Variants in RBM19 observed in about 807,000 individuals in gnomAD.
RBM19 encodes the protein probable RNA-binding protein 19.
Under a neutral mutation model 116.8 loss-of-function variants are expected in RBM19, and 94 were observed. The ratio of observed to expected loss-of-function variants is 0.80; its 90% CI spans 0.68 to 0.95. The LOEUF (loss-of-function observed/expected upper bound fraction) is 0.95. Ranked by LOEUF, RBM19 falls within the 40% of genes least tolerant of loss-of-function variation. The pLI, the probability that RBM19 is intolerant of heterozygous loss-of-function variation, is 0.00. For missense variants in RBM19, 1,161 were observed against 1,220.7 expected (o/e 0.95, Z 0.73); for synonymous variants, 475 against 494.1 (o/e 0.96, Z 0.51).
chr12:113,907,513 A>G (rs4554940), intron 21 of RBM19, among the ~76,000 whole-genome samples: 46,043 of 152,170 alleles, frequency 0.3, 7,899 homozygotes, highest in Admixed American at 0.45. Context: ...AAACCACAGC[A>G]AAGTAGGAAG....
intron 21 of RBM19, among the ~76,000 whole-genome samples, chr12:113,891,910 T>C (rs1880988267): frequency 6.6e-6 from 1 of 152,238 alleles, no homozygotes. Context: ...CATTTCCCTG[T>C]AGAAAGCCTT....
At chr12:113,942,991 T>C (rs556817538) in intron 13 of RBM19, among the ~76,000 whole-genome samples, 43 of 151,796 alleles carry the variant, frequency 2.8e-4, no homozygotes, top group Admixed American at 2.0e-3. Flanking sequence ...CCTCCCCTCA[T>C]CATATGGGTC....
Position 113,927,104 on chromosome 12 carries a change from G to C in RBM19, c.2194C>G (p.Leu732Val). ...TCAAAATTGAGATTCTTAATAAACA[G>C]AGTACATCCTGGGAGGCTCTCTTCT... The part of the protein sequence containing the change: ...EEEESLPGCT[L>V]FIKNLNFDTT... The change falls in exon 17 of 24, where the codon CTG becomes GTG. Residue 732 changes from leucine to valine, a missense_variant. Coordinates refer to ENST00000261741, the MANE Select transcript of RBM19 (RefSeq NM_016196.4). 1 of 1,613,596 alleles carries C rather than the reference G, an allele frequency of 6.2e-7. No individual in the cohort carries two copies. Among genetic ancestry groups the C allele is most frequent in the Non-Finnish European group, 8.5e-7 (1 of 1,180,016 alleles).
rs554359789 is a variant in RBM19 at position 113,898,938 on chromosome 12, T to C, written c.2558+16031A>G. 3.1e-3 allele frequency among the ~76,000 whole-genome samples: 470 copies of C among 152,364 alleles called. 3 individuals carry two copies. Among genetic ancestry groups the C allele is most frequent in the Middle Eastern group, 0.01 (3 of 294 alleles). On this transcript the variant is annotated intron_variant, in intron 21 of 23. Coordinates refer to ENST00000261741, the MANE Select transcript of RBM19 (RefSeq NM_016196.4). The surrounding 1 kb of genome is among the most constrained non-coding windows in gnomAD (Gnocchi z 4.3). Reference sequence around the variant, plus strand: ...AAATTGTGTTTTGGTTTTATAGTCCTAAAAGAACCATAAGCATGAGTTGTC... The same window carrying C: ...AAATTGTGTTTTGGTTTTATAGTCCCAAAAGAACCATAAGCATGAGTTGTC...
At chr12:113,895,183 G>C (rs954982167) in intron 21 of RBM19, among the ~76,000 whole-genome samples, 6 of 152,190 alleles carry the variant, frequency 3.9e-5, no homozygotes, top group Admixed American at 2.0e-4. Flanking sequence ...TATTATATTT[G>C]AATTCCCTGG....
At chr12:113,862,514 G>A (rs1486469363) in intron 21 of RBM19, among the ~76,000 whole-genome samples, 1 of 152,194 alleles carries the variant, frequency 6.6e-6, no homozygotes, top group Admixed American at 6.5e-5. Flanking sequence ...GGAGATAAGC[G>A]ATATATAAAT....
chr12:113,889,592 G>T (rs1170451612), intron 21 of RBM19, among the ~76,000 whole-genome samples: 1 of 152,028 alleles, frequency 6.6e-6, no homozygotes, highest in Non-Finnish European at 1.5e-5. Flanking sequence ...AAGTGTGCCT[G>T]CTTCCTGATC....
In RBM19 at chr12:113,946,371, G is replaced by C; in HGVS notation, c.1512C>G (p.Asp504Glu). 2 of 1,614,092 alleles carry C rather than the reference G, an allele frequency of 1.2e-6. No homozygotes were observed. Among genetic ancestry groups the C allele is most frequent in the Non-Finnish European group, 8.5e-7 (1 of 1,180,006 alleles). ...SSYKKKKEAQ[D>E]KANSASSHNW... is the part of the protein sequence containing the mutation. Reference sequence around the variant, plus strand: ...CTGAGGACCTGGCACTGTTGGCTTTGTCCTGGGCCTCCTTCTTCTTCTTGT... The same window carrying C: ...CTGAGGACCTGGCACTGTTGGCTTTCTCCTGGGCCTCCTTCTTCTTCTTGT... Residue 504 changes from aspartate (D) to glutamate (E), a missense_variant, in exon 12 of 24, where the codon GAC (aspartate) becomes GAG (glutamate). Transcript: ENST00000261741.
At chr12:113,884,538 A>G (rs974501215) in intron 21 of RBM19, among the ~76,000 whole-genome samples, 1 of 152,124 alleles carries the variant, frequency 6.6e-6, no homozygotes, top group Non-Finnish European at 1.5e-5. Flanking sequence ...ACAAATAATT[A>G]TTCAGCCCAA....
intron 21 of RBM19, among the ~76,000 whole-genome samples, chr12:113,906,505 A>T (rs979866465): frequency 6.6e-6 from 1 of 152,178 alleles, no homozygotes; most frequent in Non-Finnish European, 1.5e-5. Context: ...CTAGCTGGAA[A>T]TGCTCTGCCT....
At chr12:113,857,579 C>T (rs1411088129) in intron 22 of RBM19, among the ~76,000 whole-genome samples, 3 of 152,268 alleles carry the variant, frequency 2.0e-5, no homozygotes, top group African/African-American at 7.2e-5. Flanking sequence ...CCCCTGCTGT[C>T]TCTGATGAGA....
At chr12:113,849,836 C>T (rs1224268326) in intron 22 of RBM19, among the ~76,000 whole-genome samples, 1 of 152,224 alleles carries the variant, frequency 6.6e-6, no homozygotes, top group Non-Finnish European at 1.5e-5. Context: ...CTCCCCCATC[C>T]TCTACGCTTT....
chr12:113,895,101 G>C (rs1375461799), intron 21 of RBM19, among the ~76,000 whole-genome samples: 1 of 152,226 alleles, frequency 6.6e-6, no homozygotes, highest in Non-Finnish European at 1.5e-5. Context: ...GGGCCCAGCA[G>C]GTCCTGAATC....
intron 20 of RBM19, among the ~76,000 whole-genome samples, chr12:113,917,489 C>A (rs1566015543): frequency 6.6e-6 from 1 of 152,208 alleles, no homozygotes; most frequent in Non-Finnish European, 1.5e-5. Context: ...GCCATCTTCC[C>A]TCCAAGGATG....
At chr12:113,889,395 G>A (rs997843263) in intron 21 of RBM19, among the ~76,000 whole-genome samples, 4 of 152,194 alleles carry the variant, frequency 2.6e-5, no homozygotes, top group African/African-American at 9.6e-5. Context: ...GCTGCACTCT[G>A]TAAAACCCAA....
chr12:113,887,819 C>T (rs564074492), intron 21 of RBM19, among the ~76,000 whole-genome samples: 2 of 151,684 alleles, frequency 1.3e-5, no homozygotes, highest in Admixed American at 6.6e-5. Context: ...CTCCTGGGTT[C>T]GGGTGATCCT....
At chr12:113,891,999 C>T (rs1284902165) in intron 21 of RBM19, among the ~76,000 whole-genome samples, 1 of 152,206 alleles carries the variant, frequency 6.6e-6, no homozygotes, top group African/African-American at 2.4e-5. Flanking sequence ...ATAACCCTGT[C>T]TGTGTCACCC....
At chr12:113,882,521 A>G (rs1165015962) in intron 21 of RBM19, among the ~76,000 whole-genome samples, 1 of 152,268 alleles carries the variant, frequency 6.6e-6, no homozygotes. Context: ...CTCATAGTAA[A>G]AGGAATCTCA....
intron 23 of RBM19, among the ~76,000 whole-genome samples, chr12:113,831,745 G>A (rs1292156774): frequency 6.6e-6 from 1 of 152,016 alleles, no homozygotes; most frequent in Non-Finnish European, 1.5e-5. Context: ...AGCCGCTCCC[G>A]GGGGAAGGGG....
Sources: gnomAD v4.1 joint callset for allele counts (sites outside exome capture counted in the v4.1 genomes callset) on GRCh38, gnomAD v4.1.1 for gene constraint, Gnocchi (gnomAD v3.1) non-coding constraint, MANE v1.5 for transcripts, NCBI Gene and HGNC (gene_info 2026-07-23, HGNC 2026-07-21) for gene names.